LRMDA: variants seen among roughly 807,000 people sequenced by gnomAD.
LRMDA encodes leucine rich melanocyte differentiation associated, also known as leucine-rich melanocyte differentiation-associated protein.
LRMDA carries 18 observed loss-of-function variants against 29.8 expected under a neutral mutation model. That is an observed-to-expected ratio of 0.60 (90% CI 0.42 to 0.90). The LOEUF (loss-of-function observed/expected upper bound fraction) is 0.90. Among genes scored for constraint, LRMDA ranks in the 40% least tolerant of loss-of-function variants. The probability of loss-of-function intolerance (pLI) is 0.00; values close to 1 mark genes in which losing one functional copy is unlikely to be tolerated. For missense variants in LRMDA, 273 were observed against 273.9 expected (o/e 1.00, Z 0.02); for synonymous variants, 125 against 109.4 (o/e 1.14, Z -0.89).
chr10:75,705,601 C>T (rs905106982), intron 2 of LRMDA, among the ~76,000 whole-genome samples: 2 of 152,022 alleles, frequency 1.3e-5, no homozygotes, highest in African/African-American at 2.4e-5. Context: ...GAGGAGGGGC[C>T]GAATGATGGC....
chr10:76,088,758 C>A (rs1479511033), intron 5 of LRMDA, among the ~76,000 whole-genome samples: 4 of 152,114 alleles, frequency 2.6e-5, no homozygotes, highest in African/African-American at 9.7e-5. Context: ...TAAAATAATT[C>A]TTCCATCATC....
chr10:76,248,932 T>C (rs1246466016), intron 5 of LRMDA, among the ~76,000 whole-genome samples: 1 of 152,212 alleles, frequency 6.6e-6, no homozygotes, highest in Non-Finnish European at 1.5e-5. Flanking sequence ...TATCAACACT[T>C]GATGGGAAAA....
rs112938682 is a variant in LRMDA at position 75,590,911 on chromosome 10, A to G, written c.131+152417A>G. Among the ~76,000 whole-genome samples, 10 of 151,658 alleles carry G rather than the reference A, an allele frequency of 6.6e-5. 1 individual carries two copies. In the South Asian group the frequency reaches 2.1e-3, roughly 32 times the overall value. Reference sequence around the variant, plus strand: ...CAGGTGTGCACCACCACACCCGGCAAATTTTTCTATTTTTAGTAGATGGGG... The same window carrying G: ...CAGGTGTGCACCACCACACCCGGCAGATTTTTCTATTTTTAGTAGATGGGG... On this transcript the variant is annotated intron_variant, in intron 2 of 6. Coordinates refer to ENST00000611255, the MANE Select transcript of LRMDA (RefSeq NM_001305581.2).
At chr10:76,341,929 TACGG>T (rs1841046630) in intron 6 of LRMDA, among the ~76,000 whole-genome samples, 1 of 152,158 alleles carries the variant, frequency 6.6e-6, no homozygotes, top group African/African-American at 2.4e-5. Flanking sequence ...TTCTGTTCAT[TACGG>T]TAGTTACAAA....
intron 6 of LRMDA, among the ~76,000 whole-genome samples, chr10:76,380,004 A>T (rs1841569861): frequency 6.6e-6 from 1 of 152,174 alleles, no homozygotes; most frequent in South Asian, 2.1e-4. Flanking sequence ...TCATTTCCAC[A>T]TACTTGTATA....
chr10:76,153,221 C>G (rs964253347), intron 5 of LRMDA, among the ~76,000 whole-genome samples: 1 of 152,024 alleles, frequency 6.6e-6, no homozygotes. Context: ...GATACTAAAC[C>G]TTTATCAGAT....
chr10:75,709,048 T>TATTTGCATTGTC (rs1161591257), intron 2 of LRMDA, among the ~76,000 whole-genome samples: 3 of 152,362 alleles, frequency 2.0e-5, no homozygotes, highest in African/African-American at 7.2e-5. Flanking sequence ...TTTCTTCACT[T>TATTTGCATTGTC]ATTTGCATTG....
chr10:75,906,426 G>A (rs1263847049), intron 2 of LRMDA, among the ~76,000 whole-genome samples: 1 of 152,112 alleles, frequency 6.6e-6, no homozygotes, highest in East Asian at 1.9e-4. Flanking sequence ...TCTTGCTTGT[G>A]GTCACACAGC....
At chr10:76,238,499 A>AG (rs1317330489) in intron 5 of LRMDA, among the ~76,000 whole-genome samples, 3 of 87,126 alleles carry the variant, frequency 3.4e-5, no homozygotes, top group African/African-American at 1.4e-4. Context: ...TTCTCTACCC[A>AG]GGGGTCTTCT....
chr10:76,047,381 G>A (rs1470171404), intron 4 of LRMDA, 78 bp downstream of exon 4: 2 of 1,377,012 alleles, frequency 1.5e-6, no homozygotes, highest in African/African-American at 1.5e-5. Flanking sequence ...ACTCTGGGGT[G>A]CATAGTAGAT....
intron 5 of LRMDA, among the ~76,000 whole-genome samples, chr10:76,139,653 A>G (rs1850163100): frequency 6.6e-6 from 1 of 152,158 alleles, no homozygotes; most frequent in Non-Finnish European, 1.5e-5. Context: ...GTGTACTTTC[A>G]AAACTTGATA....
intron 6 of LRMDA, among the ~76,000 whole-genome samples, chr10:76,454,449 G>A (rs1842437063): frequency 6.6e-6 from 1 of 152,026 alleles, no homozygotes; most frequent in African/African-American, 2.4e-5. Flanking sequence ...GTACCAACTT[G>A]GCTATCCTAA....
At position 75,799,069 on chromosome 10, in the gene LRMDA, A is replaced by G. The variant is rs141478920; in HGVS notation, c.132-236939A>G. ...GATTAATTTATTCAGTAGTGTGTCC[A>G]CATCTACAGTATCTGTACTGGATTT... On this transcript the variant is annotated intron_variant, in intron 2 of 6. Transcript: ENST00000611255. Among the ~76,000 whole-genome samples the G allele has an allele frequency of 6.6e-3, 1,010 of 152,354 alleles. 14 individuals carry two copies. The highest frequency in any genetic ancestry group is 0.023 in the African/African-American group (958 of 41,588).
At chr10:75,871,011 A>G (rs1845100324) in intron 2 of LRMDA, among the ~76,000 whole-genome samples, 1 of 152,152 alleles carries the variant, frequency 6.6e-6, no homozygotes, top group South Asian at 2.1e-4. Context: ...TCAGTTGCTT[A>G]ATCTGTGAGG....
Position 76,381,051 on chromosome 10 carries a change from G to GC in LRMDA, c.601+56567dup. On this transcript the variant is annotated intron_variant, in intron 6 of 6. Transcript: ENST00000611255. ...TTTTTTTTTTTTTTGGCTTGGAATG[G>GC]CTGTACCCTAGGTTACTCTAATGGT... Among the ~76,000 whole-genome samples the GC allele has an allele frequency of 8.9e-5, 2 of 22,404 alleles. 1 individual carries two copies. Among genetic ancestry groups the GC allele is most frequent in the Admixed American group, 5.5e-4 (2 of 3,648 alleles). 14.7% of individuals were successfully genotyped at this position (22,404 alleles called of 152,430 possible).
chr10:76,558,853 T>G lies in LRMDA; in HGVS notation c.*1565T>G, dbSNP rs1843590859. 1 of 152,232 alleles carries G rather than the reference T, an allele frequency of 6.6e-6. No individual in the cohort carries two copies. 9.4% of individuals were successfully genotyped at this position (152,232 alleles called of 1,614,324 possible). ...AGTCCCTGTTTGAGATTACACAACC[T>G]TTGTTAATCAGTTCTTTAGACAAGT... On this transcript the variant is annotated 3_prime_UTR_variant, in exon 7 of 7. Transcript: ENST00000611255.
intron 5 of LRMDA, among the ~76,000 whole-genome samples, chr10:76,079,577 C>T (rs1328895745): frequency 6.6e-6 from 1 of 152,124 alleles, no homozygotes; most frequent in Non-Finnish European, 1.5e-5. Context: ...TAGATGGATA[C>T]CAGAAGACCA....
At chr10:75,524,954 CTTAG>C (rs1164586125) in intron 2 of LRMDA, among the ~76,000 whole-genome samples, 1 of 152,120 alleles carries the variant, frequency 6.6e-6, no homozygotes, top group African/African-American at 2.4e-5. Context: ...GGTGGTGGGA[CTTAG>C]TTAGGGGTAT....
chr10:75,525,592 C>CTTTTTTTTT (rs11415547), intron 2 of LRMDA, among the ~76,000 whole-genome samples: 82 of 129,668 alleles, frequency 6.3e-4, no homozygotes, highest in South Asian at 1.2e-3. Flanking sequence ...TTCTTTCTTT[C>CTTTTTTTTT]TTTTTTTTTT....
Sources: allele counts gnomAD v4.1 joint callset (sites outside exome capture counted in the v4.1 genomes callset), GRCh38; gene constraint gnomAD v4.1.1; transcripts MANE v1.5; gene names NCBI Gene and HGNC (gene_info 2026-07-23, HGNC 2026-07-21).